FCHSD2: variants seen among roughly 807,000 people sequenced by gnomAD.
The protein encoded by FCHSD2 is F-BAR and double SH3 domains protein 2.
Under a neutral mutation model 108.1 loss-of-function variants are expected in FCHSD2, and 38 were observed. That is an observed-to-expected ratio of 0.35 (90% confidence interval 0.27 to 0.46). FCHSD2 has a LOEUF of 0.46. FCHSD2 is among the 20% of genes least tolerant of loss of function. The pLI, the probability that FCHSD2 is intolerant of heterozygous loss-of-function variation, is 1.00. For missense variants in FCHSD2, 751 were observed against 897.8 expected, an observed-to-expected ratio of 0.84 and a Z score of 2.09; for synonymous variants, 279 against 314.7, an observed-to-expected ratio of 0.89 and a Z score of 1.20.
chr11:73,130,473 G>A (rs1860971276), intron 2 of FCHSD2, among the ~76,000 whole-genome samples: 1 of 152,208 alleles, frequency 6.6e-6, no homozygotes, highest in Non-Finnish European at 1.5e-5. Flanking sequence ...AAGTTCAGGA[G>A]AGTATCCTCT....
intron 2 of FCHSD2, among the ~76,000 whole-genome samples, chr11:73,096,064 A>C (rs1860066554): frequency 6.6e-6 from 1 of 152,138 alleles, no homozygotes; most frequent in Non-Finnish European, 1.5e-5. Context: ...TCATTCAAAA[A>C]TAAACCACCA....
chr11:73,018,988 C>G (rs955985090), intron 3 of FCHSD2, among the ~76,000 whole-genome samples: 1 of 152,094 alleles, frequency 6.6e-6, no homozygotes, highest in African/African-American at 2.4e-5. Context: ...AGAAGAATAA[C>G]AAGTATACAA....
In FCHSD2 at chr11:73,018,596, T is replaced by TG. The variant is rs1252130084; in HGVS notation, c.166-2712dup. On this transcript the variant is annotated intron_variant, in intron 3 of 19. Coordinates refer to ENST00000409418, the MANE Select transcript of FCHSD2 (RefSeq NM_014824.3). ...TTTAGTTGATACCGATAAGATCCAC[T>TG]GATTGCATGGATAAATGCCACCTAC... is the stretch of plus-strand genomic sequence containing the variant. 2.6e-5 allele frequency among the ~76,000 whole-genome samples: 4 copies of TG among 152,016 alleles called. No individual in the cohort carries two copies. The South Asian group carries it at 6.3e-4, about 24-fold the overall frequency.
Position 72,984,073 on chromosome 11 carries a change from T to C in FCHSD2, c.705+15A>G, listed in dbSNP as rs768663308. ...CAATGAAGTAAAATTACCATAGATA[T>C]GAAAGCTGTATTACCTTCATAATGT... On this transcript the variant is annotated intron_variant, in intron 8 of 19. Transcript: ENST00000409418. 4 of 1,601,078 alleles carry C rather than the reference T, an allele frequency of 2.5e-6. No individual in the cohort carries two copies. Among genetic ancestry groups the C allele is most frequent in the Admixed American group, 3.4e-5 (2 of 58,070 alleles).
chr11:73,048,521 G>C (rs1288711963), intron 3 of FCHSD2, among the ~76,000 whole-genome samples: 1 of 152,206 alleles, frequency 6.6e-6, no homozygotes, highest in Non-Finnish European at 1.5e-5. Flanking sequence ...AGGTTGGCTA[G>C]AGCATCTCTG....
chr11:72,953,768 T>TA (rs1429246461), intron 8 of FCHSD2, among the ~76,000 whole-genome samples: 1 of 152,174 alleles, frequency 6.6e-6, no homozygotes, highest in African/African-American at 2.4e-5. Context: ...GCCTCACTGT[T>TA]AGAGTCACAT....
chr11:72,976,847 C>G (rs1393858935), intron 8 of FCHSD2, among the ~76,000 whole-genome samples: 1 of 152,096 alleles, frequency 6.6e-6, no homozygotes, highest in Non-Finnish European at 1.5e-5. Flanking sequence ...AAGAATGAAA[C>G]TAGACCCCTA....
rs954513243 is a variant in FCHSD2 at position 72,888,443 on chromosome 11, G to T, written c.1042-869C>A. On this transcript the variant is annotated intron_variant, in intron 11 of 19. Coordinates refer to ENST00000409418, the MANE Select transcript of FCHSD2 (RefSeq NM_014824.3). The stretch of plus-strand genomic sequence containing the variant: ...ATGTAATGGGCTAAAAAGTAAGTGG[G>T]AGGTGAGATTCTATAGATAATAAGC... Among the ~76,000 whole-genome samples the T allele has an allele frequency of 1.4e-4, 22 of 152,230 alleles. 1 individual carries two copies. The highest frequency in any genetic ancestry group is 1.9e-4 in the East Asian group (1 of 5,180).
rs180682661 is a variant in FCHSD2 at position 72,850,326 on chromosome 11, A to G, written c.1309-437T>C. Among the ~76,000 whole-genome samples the G allele has an allele frequency of 1.7e-4, 26 of 152,034 alleles. No homozygotes were observed. The East Asian group carries it at 4.5e-3, about 26-fold the overall frequency. ...GTGATCCACTCACTTCGGCTTCCCAAAGTGCTGGTATTACAGGTGTGAGCC... is the reference window on the plus strand; with the variant it reads ...GTGATCCACTCACTTCGGCTTCCCAGAGTGCTGGTATTACAGGTGTGAGCC... On this transcript the variant is annotated intron_variant, in intron 13 of 19. Transcript: ENST00000409418.
chr11:73,104,618 G>C (rs1860298012), intron 2 of FCHSD2, among the ~76,000 whole-genome samples: 1 of 151,972 alleles, frequency 6.6e-6, no homozygotes, highest in Non-Finnish European at 1.5e-5. Context: ...ACCCAGGCTG[G>C]AGTGCAGTAC....
intron 10 of FCHSD2, among the ~76,000 whole-genome samples, chr11:72,901,371 C>A (rs1855522980): frequency 6.6e-6 from 1 of 151,578 alleles, no homozygotes; most frequent in Admixed American, 6.6e-5. Flanking sequence ...CCCTCCAGCC[C>A]CAGTGACAGA....
chr11:73,007,185 T>A (rs1857758946), intron 4 of FCHSD2, among the ~76,000 whole-genome samples: 1 of 152,194 alleles, frequency 6.6e-6, no homozygotes. Flanking sequence ...CTTGCCATAA[T>A]AATTAGGTTA....
At chr11:72,944,655 T>C (rs9733935) in intron 8 of FCHSD2, among the ~76,000 whole-genome samples, 151,793 of 152,264 alleles carry the variant, frequency 1, 75,662 homozygotes, top group Middle Eastern at 1. Flanking sequence ...AAAACCCCAT[T>C]GTCTCAGCTC....
At chr11:73,031,098 T>A (rs1858349910) in intron 3 of FCHSD2, among the ~76,000 whole-genome samples, 1 of 152,094 alleles carries the variant, frequency 6.6e-6, no homozygotes, top group East Asian at 1.9e-4. Flanking sequence ...CAGAATATGT[T>A]AAGTGAAATA....
intron 4 of FCHSD2, among the ~76,000 whole-genome samples, chr11:73,009,811 T>G (rs1471845844): frequency 6.6e-6 from 1 of 152,138 alleles, no homozygotes; most frequent in Non-Finnish European, 1.5e-5. Flanking sequence ...ATGCTTTTTT[T>G]CTTGCTGTTT....
At chr11:72,999,518 C>T (rs1297896283) in intron 5 of FCHSD2, among the ~76,000 whole-genome samples, 1 of 151,838 alleles carries the variant, frequency 6.6e-6, no homozygotes, top group Non-Finnish European at 1.5e-5. Context: ...TGGGGTTTCA[C>T]CATATTGGTC....
At chr11:73,024,275 A>C (rs1200606530) in intron 3 of FCHSD2, among the ~76,000 whole-genome samples, 1 of 152,174 alleles carries the variant, frequency 6.6e-6, no homozygotes, top group African/African-American at 2.4e-5. Flanking sequence ...ATGGGGAATG[A>C]AGGGGCAAAT....
At chr11:72,890,400 C>T (rs1855289713) in intron 10 of FCHSD2, among the ~76,000 whole-genome samples, 1 of 151,974 alleles carries the variant, frequency 6.6e-6, no homozygotes, top group African/African-American at 2.4e-5. Flanking sequence ...ATAACAGCAA[C>T]ACAATCTTGC....
intron 8 of FCHSD2, among the ~76,000 whole-genome samples, chr11:72,950,849 C>T (rs1424935917): frequency 2.6e-5 from 4 of 152,184 alleles, no homozygotes; most frequent in African/African-American, 9.7e-5. Context: ...TCTTCCTGGG[C>T]ACATGCTGTG....
Sources: allele counts gnomAD v4.1 joint callset (sites outside exome capture counted in the v4.1 genomes callset), GRCh38; gene constraint gnomAD v4.1.1; transcripts MANE v1.5; gene names NCBI Gene and HGNC (gene_info 2026-07-23, HGNC 2026-07-21).